Variants in ABTB1 observed in about 807,000 individuals in gnomAD.
ABTB1 encodes the protein ankyrin repeat and BTB domain containing 1, also known as ankyrin repeat and BTB/POZ domain-containing protein 1.
In ABTB1, 45 loss-of-function variants were observed where a neutral mutation model predicts 57.1. The ratio of observed to expected loss-of-function variants is 0.79; its 90% confidence interval spans 0.62 to 1.01. ABTB1 has a LOEUF of 1.01. ABTB1 is among the 50% of genes least tolerant of loss of function. The pLI, the probability that ABTB1 is intolerant of heterozygous loss-of-function variation, is 0.00. For missense variants in ABTB1, 630 were observed against 666.3 expected, an observed-to-expected ratio of 0.95 and a Z score of 0.60; for synonymous variants, 302 against 275.4, an observed-to-expected ratio of 1.10 and a Z score of -0.95.
At chr3:127,678,163 C>A (rs543457632) in intron 10 of ABTB1, 224 of 289,870 alleles carry the variant, frequency 7.7e-4, no homozygotes, top group South Asian at 3.3e-3. Context: ...GCTGCAGATC[C>A]CTGGGGTTCT....
At chr3:127,674,627 G>A in intron 3 of ABTB1, 27 bp downstream of exon 3, 1 of 1,613,954 alleles carries the variant, frequency 6.2e-7, no homozygotes, top group Non-Finnish European at 8.5e-7. Context: ...CGGCTCACGG[G>A]TGTGCGTGGG....
Position 127,673,025 on chromosome 3 carries a change from C to A in ABTB1, c.-1C>A. On this transcript the variant is annotated 5_prime_UTR_variant, in exon 1 of 12. Coordinates refer to ENST00000232744, the MANE Select transcript of ABTB1 (RefSeq NM_172027.3). ...TCGGCTCGGGTACCATCCTCCGCGC[C>A]ATGGACACCAGCGACCTGTTCGCCA... 1.3e-6 allele frequency: 2 copies of A among 1,569,254 alleles called. No individual in the cohort carries two copies. The highest frequency in any genetic ancestry group is 1.7e-6 in the Non-Finnish European group (2 of 1,157,828).
Position 127,680,539 on chromosome 3 carries a change from G to A in ABTB1, c.*64G>A. 1 of 1,569,972 alleles carries A rather than the reference G, an allele frequency of 6.4e-7. No individual in the cohort carries two copies. Among genetic ancestry groups the A allele is most frequent in the Non-Finnish European group, 8.7e-7 (1 of 1,155,006 alleles). On this transcript the variant is annotated 3_prime_UTR_variant, in exon 12 of 12. Transcript: ENST00000232744. ...TGGAGACAAGCATGTGTATGCGTTT[G>A]TGTGCAGCTCTTCTTCCTGCTCCCT...
Position 127,676,273 on chromosome 3 carries a change from C to T in ABTB1, c.322C>T (p.Leu108Phe). 1 of 1,612,938 alleles carries T rather than the reference C, an allele frequency of 6.2e-7. No homozygotes were observed. The highest frequency in any genetic ancestry group is 1.3e-5 in the African/African-American group (1 of 75,028). The change falls in exon 5 of 12, where the codon CTT (leucine) becomes TTT (phenylalanine). Residue 108 changes from leucine (L) to phenylalanine (F), a missense_variant and splice_region_variant. Physicochemically the swap from Leu to Phe is conservative, Grantham distance 22. Transcript: ENST00000232744. The surrounding 1 kb of genome is among the most constrained non-coding windows in gnomAD (Gnocchi z 5.4). ...CCCTCCTGGCTTGTCCCTCCCCAGG[C>T]TTCTAGAGCAGGGCATCCACAGTGA... is the stretch of plus-strand genomic sequence containing the variant. ...RDYYDDFLQR[L>F]LEQGIHSDVV...
intron 10 of ABTB1, 77 bp downstream of exon 10, chr3:127,677,920 G>A (rs2075027219): frequency 6.5e-7 from 1 of 1,534,430 alleles, no homozygotes. Context: ...AGGGCCCTGG[G>A]GGTCTGTGGA....
At chr3:127,675,264 CTTTTTTT>C (rs1170878832) in intron 3 of ABTB1, among the ~76,000 whole-genome samples, 114 of 123,834 alleles carry the variant, frequency 9.2e-4, no homozygotes, top group Non-Finnish European at 8.2e-4. Flanking sequence ...TTGGTTTTTT[CTTTTTTT>C]TTTTTTTTTT....
chr3:127,677,719 A>G lies in ABTB1; in HGVS notation c.905A>G (p.Asp302Gly), dbSNP rs563023727. 1.2e-4 allele frequency: 201 copies of G among 1,609,926 alleles called. 3 individuals carry two copies. The South Asian group carries it at 2.1e-3, about 17-fold the overall frequency. ...GRSDYFRALLDDHFRESEEPA... is the reference protein window; with the variant it reads ...GRSDYFRALLGDHFRESEEPA... ...AGTGACTACTTCCGAGCCCTGCTGG[A>G]TGACCACTTCCGAGAGAGCGAGGAG... Residue 302 changes from aspartate to glycine, a missense_variant, in exon 10 of 12, where the codon GAT becomes GGT. Asp to Gly is a moderately conservative substitution (Grantham distance 94, BLOSUM62 -1). Transcript: ENST00000232744.
chr3:127,674,057 G>A, intron 1 of ABTB1: 1 of 380,740 alleles, frequency 2.6e-6, no homozygotes, highest in Non-Finnish European at 5.0e-6. Context: ...GCAGTAGAGA[G>A]CTCTGGTGGG....
intron 10 of ABTB1, 107 bp from the exon 11 acceptor site, chr3:127,679,878 C>T (rs1468238486): frequency 4.4e-6 from 5 of 1,138,444 alleles, no homozygotes; most frequent in Admixed American, 1.9e-5. Flanking sequence ...CCACTGGAAG[C>T]CTTCCCGCCA....
At chr3:127,674,641 ATG>A in intron 3 of ABTB1, 41 bp downstream of exon 3, 1 of 1,612,322 alleles carries the variant, frequency 6.2e-7, no homozygotes, top group Non-Finnish European at 8.5e-7. Context: ...GCGTGGGTGC[ATG>A]CATGTGTGCG....
In ABTB1 at chr3:127,677,184, C is replaced by T. The variant is rs2075003551; in HGVS notation, c.660C>T (p.Gly220=). The stretch of plus-strand genomic sequence containing the variant: ...CCCCTGTAGTGGCGTCTAAGCCAGG[C>T]ACGTGTGTGAAGGTGCTGACCATCG... The part of the protein sequence containing the change: ...KVSEFVASKP[G]TCVKVLTIEP... Residue 220 remains glycine (G), a synonymous_variant, in exon 8 of 12, where the codon GGC becomes GGT. Coordinates refer to ENST00000232744, the MANE Select transcript of ABTB1 (RefSeq NM_172027.3). The T allele has an allele frequency of 6.2e-7, 1 of 1,613,086 alleles. No individual in the cohort carries two copies. The highest frequency in any genetic ancestry group is 8.5e-7 in the Non-Finnish European group (1 of 1,179,714).
At chr3:127,675,799 C>T (rs919203661) in intron 3 of ABTB1, 171 bp from the exon 4 acceptor site, 36 of 825,210 alleles carry the variant, frequency 4.4e-5, no homozygotes, top group Non-Finnish European at 6.0e-5. Context: ...TGCCCATTCG[C>T]CTAGCCCTTG....
At position 127,680,008 on chromosome 3, in the gene ABTB1, T is replaced by C; in HGVS notation, c.1053T>C (p.Asp351=). Residue 351 remains aspartate (D), a synonymous_variant, in exon 11 of 12, where the codon GAT becomes GAC. Coordinates refer to ENST00000232744, the MANE Select transcript of ABTB1 (RefSeq NM_172027.3). Reference sequence around the variant, plus strand: ...AGCTGTCCCCCGAGGCAGCCTATGATGTGCTGAGCGTCGCCGACATGTACC... The same window carrying C: ...AGCTGTCCCCCGAGGCAGCCTATGACGTGCTGAGCGTCGCCGACATGTACC... ...HTELSPEAAY[D]VLSVADMYLL... 1.2e-6 allele frequency: 2 copies of C among 1,613,638 alleles called. No individual in the cohort carries two copies. The highest frequency in any genetic ancestry group is 1.7e-6 in the Non-Finnish European group (2 of 1,180,026).
In ABTB1 at chr3:127,676,784, A is replaced by G; in HGVS notation, c.527-183A>G. On this transcript the variant is annotated intron_variant, in intron 6 of 11. Transcript: ENST00000232744. The surrounding 1 kb of genome is among the most constrained non-coding windows in gnomAD (Gnocchi z 5.4). ...AAGAGCTTGTCCCACCCACATGCTG[A>G]GGCCCTCCCATCTGTTCCCTGGGGC... The G allele has an allele frequency of 1.2e-6, 1 of 823,794 alleles. No individual in the cohort carries two copies. The highest frequency in any genetic ancestry group is 1.9e-6 in the Non-Finnish European group (1 of 530,864). The allele number at this position is 823,794 out of a possible 1,614,324, so 51.0% of individuals were successfully genotyped here. A position where few individuals can be genotyped will look rare whatever the true frequency, so the allele number is the denominator to read the frequency against.
At chr3:127,675,610 G>A (rs948475520) in intron 3 of ABTB1, 2 of 267,266 alleles carry the variant, frequency 7.5e-6, no homozygotes, top group African/African-American at 4.2e-5. Flanking sequence ...GCCATCGTTA[G>A]GTAGTGGGTT....
At chr3:127,677,958 T>C in intron 10 of ABTB1, 115 bp downstream of exon 10, 4 of 1,344,070 alleles carry the variant, frequency 3.0e-6, no homozygotes, top group Non-Finnish European at 4.0e-6. Flanking sequence ...ATGGTTGACG[T>C]TTTGAGAAGG....
rs894091523 is a variant in ABTB1 at position 127,677,956 on chromosome 3, C to A, written c.1029+113C>A. ...AGGGCCCAGCTGGCCCCATGGTTGA[C>A]GTTTTGAGAAGGCTGGAGGGGAAGG... On this transcript the variant is annotated intron_variant, in intron 10 of 11. Transcript: ENST00000232744. 53 of 1,362,646 alleles carry A rather than the reference C, an allele frequency of 3.9e-5. No individual in the cohort carries two copies. The South Asian group carries it at 6.8e-4, about 17-fold the overall frequency. The allele number at this position is 1,362,646 out of a possible 1,614,324, so 84.4% of individuals were successfully genotyped here. A position where few individuals can be genotyped will look rare whatever the true frequency, so the allele number is the denominator to read the frequency against.
chr3:127,680,066 A>G lies in ABTB1; in HGVS notation c.1111A>G (p.Ser371Gly). ...LPGLKRLCGR[S>G]LAQMLDEDTV... is the part of the protein sequence containing the mutation. ...AGGCCTGAAGAGGCTGTGCGGCCGC[A>G]GCCTGGCTCAGATGCTAGACGAGGA... The change falls in exon 11 of 12, where the codon AGC becomes GGC. Residue 371 changes from serine (S) to glycine (G), a missense_variant. Coordinates refer to ENST00000232744, the MANE Select transcript of ABTB1 (RefSeq NM_172027.3). 1 of 1,613,818 alleles carries G rather than the reference A, an allele frequency of 6.2e-7. No homozygotes were observed. Among genetic ancestry groups the G allele is most frequent in the Non-Finnish European group, 8.5e-7 (1 of 1,180,028 alleles).
chr3:127,679,406 G>T (rs2075069431), intron 10 of ABTB1: 1 of 394,394 alleles, frequency 2.5e-6, no homozygotes, highest in Non-Finnish European at 5.3e-6. Context: ...CCAGGCTCTG[G>T]CCTGAATCTG....
Sources: allele counts gnomAD v4.1 joint callset (sites outside exome capture counted in the v4.1 genomes callset), GRCh38; gene constraint gnomAD v4.1.1; non-coding constraint Gnocchi (gnomAD v3.1); transcripts MANE v1.5; gene names NCBI Gene and HGNC (gene_info 2026-07-23, HGNC 2026-07-21).